Variants in KAZN observed in about 807,000 individuals in gnomAD.
KAZN encodes kazrin, periplakin interacting protein.
Under a neutral mutation model 87.4 loss-of-function variants are expected in KAZN, and 40 were observed. The ratio of observed to expected loss-of-function variants is 0.46; its 90% CI spans 0.36 to 0.60. KAZN has a LOEUF of 0.60. Among genes scored for constraint, KAZN ranks in the 20% least tolerant of loss-of-function variants. The pLI, the probability that KAZN is intolerant of heterozygous loss-of-function variation, is 0.00. For missense variants in KAZN, 898 were observed against 1,073.9 expected, an observed-to-expected ratio of 0.84 and a Z score of 2.29; for synonymous variants, 466 against 458.3, an observed-to-expected ratio of 1.02 and a Z score of -0.22.
chr1:14,595,066 C>A (rs1223095286), upstream of KAZN, among the ~76,000 whole-genome samples: 1 of 151,956 alleles, frequency 6.6e-6, no homozygotes, highest in Non-Finnish European at 1.5e-5. Flanking sequence ...ATTGCTTGAA[C>A]CCGGGAGGCA....
intron 2 of KAZN, among the ~76,000 whole-genome samples, chr1:14,251,272 T>C (rs1274630339): frequency 6.6e-6 from 1 of 152,224 alleles, no homozygotes; most frequent in Non-Finnish European, 1.5e-5. Flanking sequence ...TCTTGTTCTC[T>C]TTAAAGATGA....
chr1:14,652,701 C>T (rs1485434014), intron 1 of KAZN, among the ~76,000 whole-genome samples: 1 of 121,248 alleles, frequency 8.2e-6, no homozygotes, highest in Non-Finnish European at 1.7e-5. Flanking sequence ...ATCTACCTAT[C>T]CATGCACCCA....
intron 2 of KAZN, among the ~76,000 whole-genome samples, chr1:14,426,039 A>T (rs1665708273): frequency 6.6e-6 from 1 of 152,232 alleles, no homozygotes; most frequent in African/African-American, 2.4e-5. Flanking sequence ...GCTTACTCAG[A>T]GTAAAGGCCT....
chr1:14,868,426 C>T lies in KAZN; in HGVS notation c.227-92258C>T, dbSNP rs1572689834. Among the ~76,000 whole-genome samples the T allele has an allele frequency of 2.0e-5, 3 of 152,304 alleles. No homozygotes were observed. In the South Asian group the frequency reaches 6.2e-4, roughly 32 times the overall value. On this transcript the variant is annotated intron_variant, in intron 1 of 14. Transcript: ENST00000376030. ...TTTTATAGATGGGGAAACTGAGGCT[C>T]AGAGTTGGAGCAACTCATCTAGGGC... is the stretch of plus-strand genomic sequence containing the variant.
chr1:14,208,118 G>A (rs768806501), intron 2 of KAZN, among the ~76,000 whole-genome samples: 8 of 152,192 alleles, frequency 5.3e-5, no homozygotes, highest in Non-Finnish European at 8.8e-5. Flanking sequence ...CATGCTGTTT[G>A]GGCTGATTTA....
At chr1:14,774,483 T>C (rs1292953156) in intron 1 of KAZN, among the ~76,000 whole-genome samples, 25 of 150,980 alleles carry the variant, frequency 1.7e-4, no homozygotes, top group Admixed American at 1.6e-3. Flanking sequence ...TTTTTTTTTT[T>C]TTTTTGAGAC....
intron 1 of KAZN, among the ~76,000 whole-genome samples, chr1:14,147,895 T>C (rs1308108113): frequency 1.3e-5 from 2 of 152,072 alleles, no homozygotes; most frequent in Non-Finnish European, 2.9e-5. Flanking sequence ...TAGCTATGAC[T>C]ACTATTATTG....
At chr1:14,553,291 G>A (rs536665472) in intron 2 of KAZN, among the ~76,000 whole-genome samples, 2 of 152,158 alleles carry the variant, frequency 1.3e-5, no homozygotes, top group Admixed American at 1.3e-4. Context: ...GAACTGGGAG[G>A]TGGAGGCTGC....
At chr1:14,822,294 T>C (rs1646756663) in intron 1 of KAZN, among the ~76,000 whole-genome samples, 1 of 152,110 alleles carries the variant, frequency 6.6e-6, no homozygotes, top group South Asian at 2.1e-4. Context: ...GAGATACTGA[T>C]TCAGGTCATG....
chr1:14,663,012 C>A (rs1164078759), intron 1 of KAZN, among the ~76,000 whole-genome samples: 2 of 147,972 alleles, frequency 1.4e-5, no homozygotes, highest in Admixed American at 1.4e-4. Flanking sequence ...ACTGTGTTGC[C>A]CAGGGTGGAG....
intron 2 of KAZN, among the ~76,000 whole-genome samples, chr1:14,283,214 T>C (rs1652986390): frequency 6.6e-6 from 1 of 152,178 alleles, no homozygotes; most frequent in African/African-American, 2.4e-5. Flanking sequence ...ACTCTTTCCT[T>C]CTGGATTTGC....
intron 1 of KAZN, among the ~76,000 whole-genome samples, chr1:14,948,983 G>A (rs1662150313): frequency 6.6e-6 from 1 of 152,060 alleles, no homozygotes; most frequent in African/African-American, 2.4e-5. Context: ...ATGGCAAAAT[G>A]CTGTCTCTAC....
intron 1 of KAZN, among the ~76,000 whole-genome samples, chr1:14,020,781 G>C (rs559142689): frequency 6.6e-6 from 1 of 152,294 alleles, no homozygotes; most frequent in African/African-American, 2.4e-5. Context: ...ATATGATTTT[G>C]CAATATCTGG....
chr1:15,034,073 T>C (rs1672000887), intron 2 of KAZN, among the ~76,000 whole-genome samples: 1 of 152,188 alleles, frequency 6.6e-6, no homozygotes, highest in Non-Finnish European at 1.5e-5. Flanking sequence ...CTTTTTATTA[T>C]TGAGTTGCAA....
chr1:13,933,154 C>G (rs1384947492), intron 1 of KAZN, among the ~76,000 whole-genome samples: 1 of 151,992 alleles, frequency 6.6e-6, no homozygotes, highest in Non-Finnish European at 1.5e-5. Flanking sequence ...CTTTTTGTTT[C>G]AGGGTCACAT....
In KAZN at chr1:14,963,947, C is replaced by T. The variant is rs151171216; in HGVS notation, c.418+3072C>T. Among the ~76,000 whole-genome samples, 14 of 152,302 alleles carry T rather than the reference C, an allele frequency of 9.2e-5. No individual in the cohort carries two copies. In the East Asian group the frequency reaches 2.5e-3, roughly 27 times the overall value. On this transcript the variant is annotated intron_variant, in intron 2 of 14. Transcript: ENST00000376030. ...GTTTCTAGCTTCACCCATGTCCCTG[C>T]AAAGGACATGAACTAATTCTTTTTT...
At chr1:13,929,930 G>C (rs760631698) in intron 1 of KAZN, among the ~76,000 whole-genome samples, 20 of 152,192 alleles carry the variant, frequency 1.3e-4, no homozygotes, top group Non-Finnish European at 1.0e-4. Context: ...GAGGCACTGA[G>C]TGTTTGAGTC....
At chr1:15,038,855 CAG>C (rs1395631100) in intron 3 of KAZN, among the ~76,000 whole-genome samples, 2 of 105,216 alleles carry the variant, frequency 1.9e-5, no homozygotes, top group African/African-American at 7.6e-5. Flanking sequence ...TTACCAACAG[CAG>C]ACGTTTATTG....
At chr1:15,050,758 C>A (rs1439397909) in intron 4 of KAZN, among the ~76,000 whole-genome samples, 1 of 152,156 alleles carries the variant, frequency 6.6e-6, no homozygotes, top group Non-Finnish European at 1.5e-5. Flanking sequence ...AGGGTCTGCC[C>A]AATCCCGAGC....
Sources: gnomAD v4.1 joint callset for allele counts (sites outside exome capture counted in the v4.1 genomes callset) on GRCh38, gnomAD v4.1.1 for gene constraint, MANE v1.5 for transcripts, NCBI Gene and HGNC (gene_info 2026-07-23, HGNC 2026-07-21) for gene names.